Variants in NHEJ1 observed in about 807,000 individuals in gnomAD.
NHEJ1 encodes non-homologous end-joining factor 1.
A neutral mutation model predicts 39.4 loss-of-function variants in NHEJ1; 22 were observed. The observed-to-expected ratio is 0.56, with a 90% confidence interval of 0.40 to 0.80. NHEJ1 has a LOEUF of 0.80. Ranked by LOEUF, NHEJ1 falls within the 30% of genes least tolerant of loss-of-function variation. NHEJ1 has a pLI of 0.00. For missense variants in NHEJ1, 329 were observed against 357.1 expected (o/e 0.92, Z 0.63); for synonymous variants, 154 against 135.6 (o/e 1.14, Z -0.94).
In NHEJ1 at chr2:219,154,900, A is replaced by G. The variant is rs1048601609; in HGVS notation, c.390+2572T>C. 6.1e-5 allele frequency among the ~76,000 whole-genome samples: 9 copies of G among 147,338 alleles called. No individual in the cohort carries two copies. In the South Asian group the frequency reaches 1.0e-3, roughly 17 times the overall value. On this transcript the variant is annotated intron_variant, in intron 3 of 7. Transcript: ENST00000356853. ...TATAATATATAATACATTATATTAT[A>G]CCATTACATATTATATTAATATAGA...
chr2:219,142,411 T>A lies in NHEJ1; in HGVS notation c.588+4269A>T, dbSNP rs1046141369. ...CCTGCTGTCCCTGAGCCTGGCCGCG[T>A]CTGGTTTGAGCAGCATGCAGCCCCA... On this transcript the variant is annotated intron_variant, in intron 5 of 7. Transcript: ENST00000356853. 2.0e-5 allele frequency among the ~76,000 whole-genome samples: 3 copies of A among 152,156 alleles called. No homozygotes were observed. In the East Asian group the frequency reaches 5.8e-4, roughly 29 times the overall value.
At chr2:219,153,146 T>C (rs1384824033) in intron 3 of NHEJ1, among the ~76,000 whole-genome samples, 1 of 152,212 alleles carries the variant, frequency 6.6e-6, no homozygotes, top group African/African-American at 2.4e-5. Context: ...TTGAAATATT[T>C]GCCCTCACAG....
intron 5 of NHEJ1, among the ~76,000 whole-genome samples, chr2:219,085,040 T>C (rs973806402): frequency 6.6e-5 from 10 of 152,234 alleles, no homozygotes; most frequent in African/African-American, 1.7e-4. Flanking sequence ...TGCTCTGCTA[T>C]GTCATTTCCA....
chr2:219,113,601 C>G (rs1949385075), intron 5 of NHEJ1, among the ~76,000 whole-genome samples: 1 of 152,150 alleles, frequency 6.6e-6, no homozygotes, highest in Non-Finnish European at 1.5e-5. Context: ...CTCAGAGCCT[C>G]CAAGGCTTTT....
At chr2:219,116,228 C>T (rs1949414602) in intron 5 of NHEJ1, among the ~76,000 whole-genome samples, 1 of 152,224 alleles carries the variant, frequency 6.6e-6, no homozygotes, top group Non-Finnish European at 1.5e-5. Context: ...GGCTGAGACA[C>T]TGAATCAAAA....
At chr2:219,129,808 C>A (rs1460052781) in intron 5 of NHEJ1, among the ~76,000 whole-genome samples, 1 of 152,248 alleles carries the variant, frequency 6.6e-6, no homozygotes, top group Non-Finnish European at 1.5e-5. Context: ...CACACAGACG[C>A]CAGCTCCGCC....
chr2:219,110,556 G>T (rs1949356676), intron 5 of NHEJ1, among the ~76,000 whole-genome samples: 2 of 151,260 alleles, frequency 1.3e-5, no homozygotes, highest in African/African-American at 4.9e-5. Context: ...TGGTATATTG[G>T]GTTATGGTAA....
chr2:219,146,613 T>C, intron 5 of NHEJ1, 67 bp downstream of exon 5: 1 of 1,262,840 alleles, frequency 7.9e-7, no homozygotes, highest in Admixed American at 1.7e-5. Flanking sequence ...AAAACACAAA[T>C]GGCCACTCAG....
At chr2:219,133,972 A>G (rs1949601583) in intron 5 of NHEJ1, among the ~76,000 whole-genome samples, 3 of 152,142 alleles carry the variant, frequency 2.0e-5, no homozygotes, top group Admixed American at 1.3e-4. Context: ...CTTCAAACAC[A>G]TATGCATCTT....
chr2:219,141,543 A>G (rs1448067399), intron 5 of NHEJ1, among the ~76,000 whole-genome samples: 1 of 152,174 alleles, frequency 6.6e-6, no homozygotes, highest in Non-Finnish European at 1.5e-5. Flanking sequence ...CCAAATTTCT[A>G]GCTTAGAAAA....
At chr2:219,132,882 C>T (rs888435302) in intron 5 of NHEJ1, among the ~76,000 whole-genome samples, 4 of 152,162 alleles carry the variant, frequency 2.6e-5, no homozygotes, top group African/African-American at 9.7e-5. Flanking sequence ...TAAATTCCAG[C>T]AGTTTAATCT....
intron 5 of NHEJ1, chr2:219,102,576 G>A (rs1056152127): frequency 6.6e-6 from 1 of 152,032 alleles, no homozygotes; most frequent in Admixed American, 6.6e-5. Flanking sequence ...TGACTCCTGG[G>A]AACGGGCGAC....
intron 1 of NHEJ1, among the ~76,000 whole-genome samples, chr2:219,159,578 T>TATATATATATGC (rs1559206377): frequency 0.016 from 893 of 56,290 alleles, 75 homozygotes; most frequent in Non-Finnish European, 0.023. Context: ...TATATATGCA[T>TATATATATATGC]ATATATATGC....
intron 5 of NHEJ1, among the ~76,000 whole-genome samples, chr2:219,108,262 G>A (rs12104660): frequency 0.13 from 20,442 of 152,190 alleles, 1,614 homozygotes; most frequent in African/African-American, 0.23. Flanking sequence ...ACATCTTGAA[G>A]AGCTGAGTGT....
chr2:219,104,189 C>T (rs904593429), intron 5 of NHEJ1, among the ~76,000 whole-genome samples: 1 of 152,198 alleles, frequency 6.6e-6, no homozygotes, highest in Non-Finnish European at 1.5e-5. Context: ...ATGGAACTCA[C>T]TGGAGCTGTG....
At chr2:219,130,044 C>CTT (rs11337813) in intron 5 of NHEJ1, among the ~76,000 whole-genome samples, 1 of 134,804 alleles carries the variant, frequency 7.4e-6, no homozygotes, top group African/African-American at 2.7e-5. Context: ...TATGTCCCTT[C>CTT]TTTTTTTTTT....
At position 219,146,623 on chromosome 2, in the gene NHEJ1, G is replaced by A. The variant is rs2106361483; in HGVS notation, c.588+57C>T. 4 of 1,386,624 alleles carry A rather than the reference G, an allele frequency of 2.9e-6. No homozygotes were observed. In the Admixed American group the frequency reaches 6.7e-5, roughly 23 times the overall value. The allele number at this position is 1,386,624 out of a possible 1,614,324, so 85.9% of individuals were successfully genotyped here. On this transcript the variant is annotated intron_variant, in intron 5 of 7. Coordinates refer to ENST00000356853, the MANE Select transcript of NHEJ1 (RefSeq NM_024782.3). ...CACCCAAAACACAAATGGCCACTCA[G>A]GCACCTGGAAAGAGGAAGTAGGGCA... is the stretch of plus-strand genomic sequence containing the variant.
intron 5 of NHEJ1, among the ~76,000 whole-genome samples, chr2:219,093,595 T>C (rs1255940523): frequency 6.6e-6 from 1 of 152,148 alleles, no homozygotes; most frequent in Non-Finnish European, 1.5e-5. Context: ...CAGAATGACC[T>C]TCCAGGCCTC....
intron 3 of NHEJ1, among the ~76,000 whole-genome samples, chr2:219,155,044 T>C (rs1474400617): frequency 6.6e-6 from 1 of 150,608 alleles, no homozygotes; most frequent in Admixed American, 6.6e-5. Flanking sequence ...TAGTGTTCCT[T>C]ACTGTATTCT....
Sources: allele counts gnomAD v4.1 joint callset (sites outside exome capture counted in the v4.1 genomes callset), GRCh38; gene constraint gnomAD v4.1.1; transcripts MANE v1.5; gene names NCBI Gene and HGNC (gene_info 2026-07-23, HGNC 2026-07-21).